The following CFAP54 variants were observed in gnomAD, a reference collection of about 807,000 sequenced individuals.
CFAP54 encodes cilia- and flagella-associated protein 54.
CFAP54 carries 290 observed loss-of-function variants against 370.4 expected under a neutral mutation model. The observed-to-expected ratio is 0.78, with a 90% confidence interval of 0.71 to 0.86. The LOEUF is 0.86. CFAP54 is among the 40% of genes least tolerant of loss of function. The pLI is 0.00. For missense variants in CFAP54, 3,399 were observed against 3,528.7 expected (o/e 0.96, Z 0.93); for synonymous variants, 1,206 against 1,236.5 (o/e 0.98, Z 0.52).
intron 33 of CFAP54, chr12:96,646,123 T>G (rs1407060947): frequency 6.6e-6 from 1 of 151,988 alleles, no homozygotes; most frequent in Non-Finnish European, 1.5e-5. Flanking sequence ...ACTAAAGAGC[T>G]TCTGCACAGC....
chr12:96,744,896 G>A (rs1958095656), intron 55 of CFAP54, among the ~76,000 whole-genome samples: 1 of 152,082 alleles, frequency 6.6e-6, no homozygotes, highest in Non-Finnish European at 1.5e-5. Context: ...CCCCCTCGAC[G>A]TGTCCATGTG....
At chr12:96,533,240 A>G (rs893327973) in intron 9 of CFAP54, among the ~76,000 whole-genome samples, 4 of 152,030 alleles carry the variant, frequency 2.6e-5, no homozygotes, top group African/African-American at 7.2e-5. Flanking sequence ...AACAGAGACT[A>G]TAGGTGCACG....
At chr12:96,683,316 G>A (rs1294982920) in intron 40 of CFAP54, among the ~76,000 whole-genome samples, 1 of 152,160 alleles carries the variant, frequency 6.6e-6, no homozygotes, top group East Asian at 1.9e-4. Context: ...GACAGAGACA[G>A]GTATGTTGTA....
intron 65 of CFAP54, among the ~76,000 whole-genome samples, chr12:96,825,461 TA>T (rs1565992731): frequency 7.7e-5 from 9 of 117,024 alleles, no homozygotes; most frequent in African/African-American, 3.2e-4. Flanking sequence ...ATATATAATA[TA>T]ATATATTATA....
intron 25 of CFAP54, among the ~76,000 whole-genome samples, chr12:96,597,804 T>C (rs815891): frequency 0.69 from 104,891 of 151,556 alleles, 36,441 homozygotes; most frequent in African/African-American, 0.71. Flanking sequence ...CTAGGTACAT[T>C]ATGTTTTTAT....
rs139128966 is a variant in CFAP54, at chr12:96,714,985, G to A, written c.6725-3458G>A. 3.7e-3 allele frequency among the ~76,000 whole-genome samples: 562 copies of A among 152,296 alleles called. 6 individuals carry two copies. The highest frequency in any genetic ancestry group is 0.013 in the African/African-American group (529 of 41,572). ...ACATAAAATTCACCTATAATGACAAGTTGAAGGGCAGAGTGTATAGGTTCA... is the reference window on the plus strand; with the variant it reads ...ACATAAAATTCACCTATAATGACAAATTGAAGGGCAGAGTGTATAGGTTCA... On this transcript the variant is annotated intron_variant, in intron 48 of 67. Coordinates refer to ENST00000524981, the MANE Select transcript of CFAP54 (RefSeq NM_001306084.2).
chr12:96,855,945 C>A (rs909402105), intron 66 of CFAP54, among the ~76,000 whole-genome samples: 1 of 152,242 alleles, frequency 6.6e-6, no homozygotes, highest in South Asian at 2.1e-4. Context: ...CAACATACTT[C>A]TGCCTAGACA....
chr12:96,489,889 A>C lies in CFAP54; in HGVS notation c.280A>C (p.Thr94Pro), dbSNP rs1209192169. Residue 94 changes from threonine (T) to proline (P), a missense_variant, in exon 1 of 68, where the codon ACC becomes CCC. By Grantham distance (38) the Thr-to-Pro change is conservative (BLOSUM62 -1). Around this residue, in one of 3 missense-constraint regions of CFAP54, gnomAD observed 559 missense variants for 576.7 expected, o/e 0.97. Transcript: ENST00000524981. ...TATGAGGAAAAAGAAGGCTTTAGCC[A>C]CCACGGAGGAAGAGAAGCACGAATT... ...GFMRKKKALA[T>P]TEEEKHEFRR... 1 of 1,534,242 alleles carries C rather than the reference A, an allele frequency of 6.5e-7. No homozygotes were observed. Among genetic ancestry groups the C allele is most frequent in the Non-Finnish European group, 8.7e-7 (1 of 1,145,446 alleles).
chr12:96,503,906 A>G lies in CFAP54; in HGVS notation c.444A>G (p.Leu148=), dbSNP rs1386027575. 2.0e-6 allele frequency: 3 copies of G among 1,498,448 alleles called. No individual in the cohort carries two copies. Among genetic ancestry groups the G allele is most frequent in the South Asian group, 2.6e-5 (2 of 76,426 alleles). The allele number at this position is 1,498,448 out of a possible 1,614,324, so 92.8% of individuals were successfully genotyped here. ...CQMKEYKLAL[L]QCYGRYLQQF... is the part of the protein sequence containing the mutation. ...TTCAGGAATACAAACTGGCCCTTTT[A>G]CAATGCTATGGAAGATATCTTCAGC... The change falls in exon 3 of 68, where the codon TTA becomes TTG. Residue 148 remains leucine, a synonymous_variant. Coordinates refer to ENST00000524981, the MANE Select transcript of CFAP54 (RefSeq NM_001306084.2).
At chr12:96,512,058 C>T (rs953595159) in intron 4 of CFAP54, among the ~76,000 whole-genome samples, 1 of 151,856 alleles carries the variant, frequency 6.6e-6, no homozygotes, top group African/African-American at 2.4e-5. Context: ...AGCATGTGTC[C>T]TTACTTAGGT....
Position 96,594,381 on chromosome 12 carries a change from A to T in CFAP54, c.3451A>T (p.Thr1151Ser). 2 of 1,534,656 alleles carry T rather than the reference A, an allele frequency of 1.3e-6. No individual in the cohort carries two copies. Among genetic ancestry groups the T allele is most frequent in the South Asian group, 1.2e-5 (1 of 83,942 alleles). ...TTCCAGCTATGCCCTTCAAGCTGTGACTCAATGTTATGGACTTCTTGCTCC... is the reference window on the plus strand; with the variant it reads ...TTCCAGCTATGCCCTTCAAGCTGTGTCTCAATGTTATGGACTTCTTGCTCC... ...NDSSYALQAV[T>S]QCYGLLAPII... Residue 1151 changes from threonine to serine, a missense_variant, in exon 25 of 68, where the codon ACT (threonine) becomes TCT (serine). By Grantham distance (58) the Thr-to-Ser change is moderately conservative. Transcript: ENST00000524981.
At chr12:96,848,747 C>A (rs1259497881) in intron 66 of CFAP54, among the ~76,000 whole-genome samples, 1 of 152,188 alleles carries the variant, frequency 6.6e-6, no homozygotes, top group African/African-American at 2.4e-5. Context: ...ACCATTTGAT[C>A]TCATATTATG....
chr12:96,863,192 GAT>G lies in CFAP54; in HGVS notation c.*14+2241_*14+2242del, dbSNP rs1592819712. ...GGATGGATGGATGGATGGATGGATGGATGGATATAATCCAGGAAAGATGGCAC... is the reference window on the plus strand; with the variant it reads ...GGATGGATGGATGGATGGATGGATGGGGATATAATCCAGGAAAGATGGCAC... On this transcript the variant is annotated intron_variant, in intron 67 of 67. Transcript: ENST00000524981. Among the ~76,000 whole-genome samples the G allele has an allele frequency of 2.6e-5, 4 of 151,162 alleles. No individual in the cohort carries two copies. The East Asian group carries it at 7.7e-4, about 29-fold the overall frequency.
intron 42 of CFAP54, among the ~76,000 whole-genome samples, chr12:96,687,133 A>C (rs893306543): frequency 1.3e-5 from 2 of 151,916 alleles, no homozygotes; most frequent in Admixed American, 1.3e-4. Flanking sequence ...TCTGTCTCTC[A>C]TATTTTCTTC....
At chr12:96,507,532 CAT>C (rs1272817876) in intron 4 of CFAP54, among the ~76,000 whole-genome samples, 61 of 82,862 alleles carry the variant, frequency 7.4e-4, no homozygotes, top group Admixed American at 1.5e-4. Flanking sequence ...CACACACACA[CAT>C]ACACACACAC....
intron 46 of CFAP54, among the ~76,000 whole-genome samples, chr12:96,703,440 C>T (rs1249144788): frequency 6.6e-6 from 1 of 152,072 alleles, no homozygotes. Flanking sequence ...ATGTGAGCAA[C>T]CTGTCCATGG....
At chr12:96,721,288 A>G (rs1215838628) in intron 50 of CFAP54, among the ~76,000 whole-genome samples, 1 of 152,248 alleles carries the variant, frequency 6.6e-6, no homozygotes, top group Non-Finnish European at 1.5e-5. Context: ...ACTGTTTAAT[A>G]AACTGTTGTA....
chr12:96,612,790 G>A (rs765124009), intron 26 of CFAP54, among the ~76,000 whole-genome samples: 8 of 152,164 alleles, frequency 5.3e-5, no homozygotes, highest in Non-Finnish European at 1.2e-4. Flanking sequence ...TTACATAATG[G>A]TAAAGGGATC....
At chr12:96,829,543 T>C (rs1410241758) in intron 66 of CFAP54, among the ~76,000 whole-genome samples, 3 of 152,082 alleles carry the variant, frequency 2.0e-5, no homozygotes, top group African/African-American at 7.2e-5. Flanking sequence ...TTCTTTTACG[T>C]ATTTGTTGTG....
Sources: allele counts gnomAD v4.1 joint callset (sites outside exome capture counted in the v4.1 genomes callset), GRCh38; gene constraint gnomAD v4.1.1; regional missense constraint gnomAD v4.1.1; transcripts MANE v1.5; gene names NCBI Gene and HGNC (gene_info 2026-07-23, HGNC 2026-07-21).